The following CCDC93 variants were observed in gnomAD, a reference collection of about 807,000 sequenced individuals.
The protein encoded by CCDC93 is CCC complex scaffolding subunit CCDC93, also known as coiled-coil domain-containing protein 93.
A neutral mutation model predicts 108.2 loss-of-function variants in CCDC93; 61 were observed. The ratio of observed to expected loss-of-function variants is 0.56; its 90% CI spans 0.46 to 0.70. The LOEUF is 0.70. CCDC93 is among the 30% of genes least tolerant of loss of function. The pLI is 0.00. For missense variants in CCDC93, 685 were observed against 764.2 expected (o/e 0.90, Z 1.22); for synonymous variants, 276 against 260.4 (o/e 1.06, Z -0.58).
At chr2:117,928,351 C>A (rs1027723349) in intron 23 of CCDC93, among the ~76,000 whole-genome samples, 1 of 151,306 alleles carries the variant, frequency 6.6e-6, no homozygotes, top group Non-Finnish European at 1.5e-5. Context: ...AAAATTTTTG[C>A]AATCTACTCA....
At chr2:117,927,712 C>T (rs928277852) in intron 23 of CCDC93, among the ~76,000 whole-genome samples, 2 of 152,114 alleles carry the variant, frequency 1.3e-5, no homozygotes, top group Non-Finnish European at 2.9e-5. Flanking sequence ...TCAATGCCAT[C>T]CCCATCAAGC....
intron 15 of CCDC93, among the ~76,000 whole-genome samples, chr2:117,947,795 G>A (rs1445649189): frequency 2.0e-5 from 3 of 149,068 alleles, no homozygotes; most frequent in South Asian, 2.1e-4. Flanking sequence ...CCAGGTTCAC[G>A]CCATTCTCCT....
intron 4 of CCDC93, chr2:117,999,476 G>T (rs1263048368): frequency 2.0e-5 from 3 of 152,294 alleles, no homozygotes; most frequent in Non-Finnish European, 4.4e-5. Context: ...ACGCTTCAAA[G>T]AACTCTAATA....
intron 23 of CCDC93, among the ~76,000 whole-genome samples, chr2:117,924,081 A>G (rs1227929516): frequency 6.6e-6 from 1 of 152,248 alleles, no homozygotes; most frequent in Non-Finnish European, 1.5e-5. Flanking sequence ...GTCTGTTAGA[A>G]GGAAAACTAA....
In CCDC93 at chr2:117,958,352, A is replaced by T. The variant is rs190130928; in HGVS notation, c.1005+13T>A. 2.3e-5 allele frequency: 35 copies of T among 1,511,390 alleles called. No individual in the cohort carries two copies. The East Asian group carries it at 7.0e-4, about 30-fold the overall frequency. The allele number at this position is 1,511,390 out of a possible 1,614,324, so 93.6% of individuals were successfully genotyped here. A position where few individuals can be genotyped will look rare whatever the true frequency, so the allele number is the denominator to read the frequency against. ...GAAGATCTTGAATAAACTTACGAAA[A>T]GAAAACACTGACCTCTTCAAGATGT... On this transcript the variant is annotated intron_variant, in intron 12 of 23. Coordinates refer to ENST00000376300, the MANE Select transcript of CCDC93 (RefSeq NM_019044.5).
intron 7 of CCDC93, among the ~76,000 whole-genome samples, chr2:117,983,794 TA>T: frequency 6.6e-6 from 1 of 152,010 alleles, no homozygotes; most frequent in South Asian, 2.1e-4. Context: ...GGAGGTGGAA[TA>T]GAACACACAC....
At chr2:118,009,396 A>G (rs1200004586) in intron 1 of CCDC93, among the ~76,000 whole-genome samples, 1 of 151,676 alleles carries the variant, frequency 6.6e-6, no homozygotes, top group Non-Finnish European at 1.5e-5. Context: ...GGCCAGGCAC[A>G]GTGGCTCAGG....
At chr2:118,002,403 C>T (rs925969278) in intron 3 of CCDC93, among the ~76,000 whole-genome samples, 6 of 152,102 alleles carry the variant, frequency 3.9e-5, no homozygotes, top group Non-Finnish European at 1.5e-5. Context: ...ACTAGGTGAC[C>T]TAGGAACTAA....
chr2:117,946,340 G>C (rs1678872455), intron 16 of CCDC93, among the ~76,000 whole-genome samples: 1 of 152,224 alleles, frequency 6.6e-6, no homozygotes, highest in African/African-American at 2.4e-5. Flanking sequence ...GTCCAGGTGT[G>C]TTCCCTAAAC....
rs1188628187 is a variant in CCDC93 at position 117,920,401 on chromosome 2, A to C, written c.1843-5T>G. 6.2e-7 allele frequency: 1 copy of C among 1,610,968 alleles called. No individual in the cohort carries two copies. The highest frequency in any genetic ancestry group is 2.2e-5 in the East Asian group (1 of 44,840). Reference sequence around the variant, plus strand: ...CATCTCGTTCTTGCGGCCCTCCTGGAGGGAAAGCAGAGAGTATAGAGAGAG... The same window carrying C: ...CATCTCGTTCTTGCGGCCCTCCTGGCGGGAAAGCAGAGAGTATAGAGAGAG... On this transcript the variant is annotated splice_polypyrimidine_tract_variant and splice_region_variant and intron_variant, in intron 23 of 23. Transcript: ENST00000376300.
chr2:117,965,825 T>C (rs1403605722), intron 11 of CCDC93, among the ~76,000 whole-genome samples: 4 of 152,052 alleles, frequency 2.6e-5, no homozygotes, highest in African/African-American at 7.2e-5. Flanking sequence ...AGAAGAAATA[T>C]ATCTAATCAC....
chr2:117,975,145 T>C, intron 9 of CCDC93, 43 bp downstream of exon 9: 1 of 1,524,508 alleles, frequency 6.6e-7, no homozygotes, highest in Non-Finnish European at 9.1e-7. Flanking sequence ...TCTCCCAAAA[T>C]GACTTACACA....
In CCDC93 at chr2:117,941,176, T is replaced by C; in HGVS notation, c.1522+13A>G. On this transcript the variant is annotated intron_variant, in intron 19 of 23. Transcript: ENST00000376300. ...CCCAGCCTCAAGAGCTTGTCTGTGG[T>C]CAATGCACCTACTCTGGCGGTAGAG... 2 of 1,580,658 alleles carry C rather than the reference T, an allele frequency of 1.3e-6. No individual in the cohort carries two copies. The highest frequency in any genetic ancestry group is 1.7e-6 in the Non-Finnish European group (2 of 1,149,840).
At chr2:118,010,291 ATCC>A (rs1676990570) in intron 1 of CCDC93, among the ~76,000 whole-genome samples, 1 of 152,246 alleles carries the variant, frequency 6.6e-6, no homozygotes, top group Non-Finnish European at 1.5e-5. Flanking sequence ...TTTAATTTAT[ATCC>A]TCCTTTTACC....
intron 15 of CCDC93, among the ~76,000 whole-genome samples, chr2:117,947,764 G>T (rs1678919649): frequency 6.7e-6 from 1 of 148,154 alleles, no homozygotes; most frequent in Admixed American, 6.9e-5. Context: ...CGTGATCTTG[G>T]CTCACTGCAA....
chr2:117,920,240 C>A lies in CCDC93; in HGVS notation c.*103G>T. ...ATCCAGGTTGTTGAAATCATCACAA[C>A]TGCATCTCTCTACTGTCGCTTTCAG... On this transcript the variant is annotated 3_prime_UTR_variant, in exon 24 of 24. Transcript: ENST00000376300. The A allele has an allele frequency of 1.4e-6, 1 of 708,728 alleles. No individual in the cohort carries two copies. The highest frequency in any genetic ancestry group is 2.4e-6 in the Non-Finnish European group (1 of 413,284). The allele number at this position is 708,728 out of a possible 1,614,324, so 43.9% of individuals were successfully genotyped here.
intron 12 of CCDC93, among the ~76,000 whole-genome samples, chr2:117,956,464 G>A (rs770950537): frequency 1.3e-5 from 2 of 152,160 alleles, no homozygotes; most frequent in African/African-American, 4.8e-5. Context: ...GTCCGTTCCT[G>A]CTGGGATACT....
At chr2:117,949,175 T>C (rs1321706347) in intron 14 of CCDC93, 147 bp downstream of exon 14, 2 of 615,394 alleles carry the variant, frequency 3.2e-6, no homozygotes, top group Non-Finnish European at 5.8e-6. Flanking sequence ...CACCACTTTC[T>C]GGATGAACAG....
intron 7 of CCDC93, among the ~76,000 whole-genome samples, chr2:117,983,547 A>G (rs916548719): frequency 1.3e-5 from 2 of 152,020 alleles, no homozygotes; most frequent in African/African-American, 4.8e-5. Context: ...TGCTGCTAAT[A>G]ATGATGATTA....
Sources: allele counts gnomAD v4.1 joint callset (sites outside exome capture counted in the v4.1 genomes callset), GRCh38; gene constraint gnomAD v4.1.1; transcripts MANE v1.5; gene names NCBI Gene and HGNC (gene_info 2026-07-23, HGNC 2026-07-21).